The following LMCD1 variants were observed in gnomAD, a reference collection of about 807,000 sequenced individuals.
LMCD1 encodes LIM and cysteine rich domains 1, also known as LIM and cysteine-rich domains protein 1.
LMCD1 carries 32 observed loss-of-function variants against 42.7 expected under a neutral mutation model. The observed-to-expected ratio is 0.75, with a 90% CI of 0.57 to 1.01. The LOEUF (loss-of-function observed/expected upper bound fraction) is 1.01, where lower values mean the gene tolerates loss of function less well. Among genes scored for constraint, LMCD1 ranks in the 50% least tolerant of loss-of-function variants. The pLI is 0.00. For synonymous variants in LMCD1, 178 were observed against 184.9 expected, an observed-to-expected ratio of 0.96 and a Z score of 0.30; for missense variants, 458 against 483.1, an observed-to-expected ratio of 0.95 and a Z score of 0.49.
intron 3 of LMCD1, among the ~76,000 whole-genome samples, chr3:8,538,846 G>A (rs1694562432): frequency 6.6e-6 from 1 of 152,208 alleles, no homozygotes; most frequent in Non-Finnish European, 1.5e-5. Context: ...ACGGTGCAGG[G>A]TGCAGGACAG....
At chr3:8,537,585 T>C (rs1574961621) in intron 3 of LMCD1, 145 bp downstream of exon 3, 1 of 843,968 alleles carries the variant, frequency 1.2e-6, no homozygotes, top group African/African-American at 1.7e-5. Flanking sequence ...AGCCCTGCCC[T>C]TATATCATGT....
At position 8,548,583 on chromosome 3, in the gene LMCD1, G is replaced by A. The variant is rs139883133; in HGVS notation, c.403G>A (p.Glu135Lys). Residue 135 changes from glutamate (E) to lysine (K), a missense_variant, in exon 4 of 6, where the codon GAG becomes AAG. By Grantham distance (56) the Glu-to-Lys change is moderately conservative. Coordinates refer to ENST00000157600, the MANE Select transcript of LMCD1 (RefSeq NM_014583.4). ...TCCTCCCTAGGGACTGCAGTACATGGAGCTCATCCCCAAGGAGAAGCAGCC... is the reference window on the plus strand; with the variant it reads ...TCCTCCCTAGGGACTGCAGTACATGAAGCTCATCCCCAAGGAGAAGCAGCC... The part of the protein sequence containing the change: ...VTQKLGLQYM[E>K]LIPKEKQPVT... 2.7e-5 allele frequency: 43 copies of A among 1,612,598 alleles called. No individual in the cohort carries two copies. The East Asian group carries it at 9.2e-4, about 34-fold the overall frequency.
At chr3:8,561,402 A>ATTTTTT in intron 4 of LMCD1, among the ~76,000 whole-genome samples, 1 of 150,206 alleles carries the variant, frequency 6.7e-6, no homozygotes. Flanking sequence ...TTTTTTTCCA[A>ATTTTTT]TATAGGTCTA....
chr3:8,560,300 G>A (rs1574975205), intron 4 of LMCD1, among the ~76,000 whole-genome samples: 1 of 152,278 alleles, frequency 6.6e-6, no homozygotes, highest in East Asian at 1.9e-4. Flanking sequence ...ATTGCCTCCA[G>A]AGTGAAGTCC....
At chr3:8,560,739 C>T (rs1695019603) in intron 4 of LMCD1, among the ~76,000 whole-genome samples, 1 of 152,090 alleles carries the variant, frequency 6.6e-6, no homozygotes, top group Non-Finnish European at 1.5e-5. Flanking sequence ...TTGTCTAGAC[C>T]CCCTGATGGG....
chr3:8,502,244 A>AATATATATAAAATGTATATAAAAT (rs1693738319), intron 1 of LMCD1, among the ~76,000 whole-genome samples: 1 of 108,964 alleles, frequency 9.2e-6, no homozygotes, highest in Non-Finnish European at 1.8e-5. Flanking sequence ...ATATATATAC[A>AATATATATAAAATGTATATAAAAT]ATATATATAA....
intron 3 of LMCD1, among the ~76,000 whole-genome samples, chr3:8,540,994 A>G (rs992509638): frequency 1.3e-5 from 2 of 152,142 alleles, no homozygotes; most frequent in East Asian, 3.9e-4. Flanking sequence ...CTCGGTCACC[A>G]CTATGGACTG....
intron 1 of LMCD1, among the ~76,000 whole-genome samples, chr3:8,523,447 G>A (rs912973932): frequency 6.6e-6 from 1 of 152,192 alleles, no homozygotes; most frequent in African/African-American, 2.4e-5. Flanking sequence ...GTTGCTGTCT[G>A]TGTGAGACTC....
At chr3:8,543,727 A>G (rs2125029060) in intron 3 of LMCD1, among the ~76,000 whole-genome samples, 1 of 152,262 alleles carries the variant, frequency 6.6e-6, no homozygotes, top group Non-Finnish European at 1.5e-5. Context: ...TCAGCCTTGG[A>G]AGTGCTGAGA....
chr3:8,563,450 C>T (rs796731980), intron 4 of LMCD1, among the ~76,000 whole-genome samples: 68 of 152,354 alleles, frequency 4.5e-4, no homozygotes, highest in African/African-American at 1.4e-3. Flanking sequence ...TTTATGTGTG[C>T]GGGGCCCAGT....
intron 3 of LMCD1, among the ~76,000 whole-genome samples, chr3:8,546,511 G>C (rs1028106253): frequency 1.3e-5 from 2 of 152,192 alleles, no homozygotes; most frequent in Non-Finnish European, 2.9e-5. Context: ...CATGGCCACA[G>C]TCACACCGCC....
intron 1 of LMCD1, among the ~76,000 whole-genome samples, chr3:8,505,677 G>T (rs571811072): frequency 5.3e-5 from 8 of 152,358 alleles, no homozygotes; most frequent in African/African-American, 1.9e-4. Context: ...ATGCCCAAGG[G>T]GCATTAAATG....
chr3:8,560,565 CT>C (rs565741588), intron 4 of LMCD1, among the ~76,000 whole-genome samples: 3 of 152,296 alleles, frequency 2.0e-5, no homozygotes, highest in African/African-American at 7.2e-5. Flanking sequence ...CACGAAGTCC[CT>C]TTTGTGTGGG....
chr3:8,512,598 A>G (rs913604134), intron 1 of LMCD1, among the ~76,000 whole-genome samples: 5 of 152,186 alleles, frequency 3.3e-5, no homozygotes, highest in South Asian at 2.1e-4. Context: ...ACAGACCTCA[A>G]TGGCCCATGG....
chr3:8,521,307 T>C (rs901242467), intron 1 of LMCD1, among the ~76,000 whole-genome samples: 3 of 152,234 alleles, frequency 2.0e-5, no homozygotes, highest in Non-Finnish European at 4.4e-5. Context: ...AGATGTTCCA[T>C]GTGCCATCAC....
chr3:8,527,568 C>T (rs568963962), intron 1 of LMCD1, among the ~76,000 whole-genome samples: 2 of 152,294 alleles, frequency 1.3e-5, no homozygotes, highest in African/African-American at 4.8e-5. Context: ...CTCACTCCAG[C>T]TTCTCTCCCA....
At chr3:8,557,257 C>T (rs1559356933) in intron 4 of LMCD1, among the ~76,000 whole-genome samples, 1 of 152,146 alleles carries the variant, frequency 6.6e-6, no homozygotes, top group Non-Finnish European at 1.5e-5. Flanking sequence ...ACATAAAAAC[C>T]TCTGGGATAC....
chr3:8,519,917 TGAGA>T (rs1553605821), intron 1 of LMCD1, among the ~76,000 whole-genome samples: 1 of 149,740 alleles, frequency 6.7e-6, no homozygotes, highest in Admixed American at 6.6e-5. Flanking sequence ...CGTGTGTGTG[TGAGA>T]GAGAGTGTGT....
chr3:8,521,588 A>C (rs1001983479), intron 1 of LMCD1, among the ~76,000 whole-genome samples: 12 of 152,138 alleles, frequency 7.9e-5, no homozygotes, highest in Non-Finnish European at 1.8e-4. Flanking sequence ...AGAGTTGCAA[A>C]CCCTTGAAAA....
Sources: gnomAD v4.1 joint callset for allele counts (sites outside exome capture counted in the v4.1 genomes callset) on GRCh38, gnomAD v4.1.1 for gene constraint, MANE v1.5 for transcripts, NCBI Gene and HGNC (gene_info 2026-07-23, HGNC 2026-07-21) for gene names.